ASIC2: variants seen among roughly 807,000 people sequenced by gnomAD.
ASIC2 encodes acid sensing ion channel subunit 2.
ASIC2 carries 25 observed loss-of-function variants against 57.3 expected under a neutral mutation model. The ratio of observed to expected loss-of-function variants is 0.44; its 90% CI spans 0.32 to 0.61. The LOEUF is 0.61. ASIC2 is among the 20% of genes least tolerant of loss of function. The probability of loss-of-function intolerance (pLI) is 0.06; values close to 1 mark genes in which losing one functional copy is unlikely to be tolerated. For synonymous variants in ASIC2, 319 were observed against 307.5 expected (o/e 1.04, Z -0.39); for missense variants, 641 against 738.1 (o/e 0.87, Z 1.52).
chr17:34,022,676 T>C (rs1011434543), intron 1 of ASIC2, among the ~76,000 whole-genome samples: 14 of 148,894 alleles, frequency 9.4e-5, no homozygotes, highest in African/African-American at 3.5e-4. Flanking sequence ...CAGTAGCCAA[T>C]AGAATATAAA....
intron 1 of ASIC2, chr17:34,001,645 T>C (rs1395540022): frequency 6.6e-6 from 1 of 152,322 alleles, no homozygotes; most frequent in Non-Finnish European, 1.5e-5. Context: ...AATGCCATGG[T>C]CCATGGCAAA....
At chr17:33,092,105 T>G (rs936306079) in intron 2 of ASIC2, among the ~76,000 whole-genome samples, 1 of 152,184 alleles carries the variant, frequency 6.6e-6, no homozygotes, top group Non-Finnish European at 1.5e-5. Flanking sequence ...TGCCCTTGTC[T>G]GGAGTCCTGG....
chr17:33,495,907 G>A (rs1913916516), intron 1 of ASIC2, among the ~76,000 whole-genome samples: 1 of 152,190 alleles, frequency 6.6e-6, no homozygotes, highest in Non-Finnish European at 1.5e-5. Context: ...AGGCAGATGG[G>A]AACATCCCAG....
intron 1 of ASIC2, among the ~76,000 whole-genome samples, chr17:33,741,574 G>A (rs1307167874): frequency 6.6e-6 from 1 of 152,202 alleles, no homozygotes; most frequent in Non-Finnish European, 1.5e-5. Context: ...GTGATGCTGG[G>A]GTGATGAAGA....
chr17:34,113,143 G>A (rs1382625587), intron 1 of ASIC2, among the ~76,000 whole-genome samples: 1 of 152,176 alleles, frequency 6.6e-6, no homozygotes, highest in Non-Finnish European at 1.5e-5. Flanking sequence ...TGACCCTTTG[G>A]CTGGAGTGAG....
intron 1 of ASIC2, among the ~76,000 whole-genome samples, chr17:33,516,401 A>AGTGTGTTTGTGAGTGTGAGT (rs537765098): frequency 1.4e-5 from 2 of 147,590 alleles, no homozygotes; most frequent in East Asian, 3.9e-4. Context: ...TGTGTTTGTG[A>AGTGTGTTTGTGAGTGTGAGT]GTGTGAGTGT....
intron 1 of ASIC2, among the ~76,000 whole-genome samples, chr17:33,299,293 A>G (rs1905851463): frequency 6.6e-6 from 1 of 152,232 alleles, no homozygotes; most frequent in Non-Finnish European, 1.5e-5. Context: ...AGTCAATGCT[A>G]CTGGTGGCAT....
intron 1 of ASIC2, among the ~76,000 whole-genome samples, chr17:33,569,979 C>A (rs75231209): frequency 6.6e-6 from 1 of 152,006 alleles, no homozygotes; most frequent in Non-Finnish European, 1.5e-5. Context: ...CCTTTTCTCC[C>A]GCCCTCTTTC....
intron 1 of ASIC2, among the ~76,000 whole-genome samples, chr17:33,843,177 A>C (rs1913489494): frequency 6.6e-6 from 1 of 152,172 alleles, no homozygotes; most frequent in African/African-American, 2.4e-5. Flanking sequence ...TTCCGCTGGA[A>C]TGTAAATCCC....
At chr17:34,143,929 C>T (rs1598046230) in intron 1 of ASIC2, among the ~76,000 whole-genome samples, 1 of 152,020 alleles carries the variant, frequency 6.6e-6, no homozygotes, top group East Asian at 1.9e-4. Flanking sequence ...TACCCAGTCT[C>T]GGGTATTCTG....
intron 1 of ASIC2, among the ~76,000 whole-genome samples, chr17:33,779,522 A>C (rs1400617697): frequency 6.6e-6 from 1 of 152,222 alleles, no homozygotes; most frequent in Non-Finnish European, 1.5e-5. Context: ...CCGTGTTCAG[A>C]ATGAATAACC....
chr17:34,003,303 A>G (rs1906408998), intron 1 of ASIC2: 1 of 152,222 alleles, frequency 6.6e-6, no homozygotes, highest in Non-Finnish European at 1.5e-5. Flanking sequence ...ATGATAAGAC[A>G]GATTTCACAG....
chr17:34,079,933 T>C (rs984363735), intron 1 of ASIC2, among the ~76,000 whole-genome samples: 3 of 151,982 alleles, frequency 2.0e-5, no homozygotes, highest in African/African-American at 7.3e-5. Flanking sequence ...CATCTTCCAC[T>C]TTACCGGAAT....
chr17:34,131,314 G>T (rs1193441580), intron 1 of ASIC2, among the ~76,000 whole-genome samples: 2 of 148,912 alleles, frequency 1.3e-5, no homozygotes, highest in Non-Finnish European at 3.0e-5. Flanking sequence ...AGAGAGAGAG[G>T]AGCTGGGGAG....
intron 1 of ASIC2, among the ~76,000 whole-genome samples, chr17:34,103,273 G>C (rs1431548877): frequency 2.6e-5 from 4 of 152,038 alleles, no homozygotes; most frequent in Non-Finnish European, 5.9e-5. Flanking sequence ...AGCCTCCCAA[G>C]TAGCTGGGAC....
intron 1 of ASIC2, chr17:33,932,716 A>AG (rs1249816106): frequency 6.4e-4 from 19 of 29,580 alleles, no homozygotes; most frequent in African/African-American, 1.1e-3. Flanking sequence ...TTTGTTTCAA[A>AG]AAAAAAAAAA....
chr17:33,871,432 C>T (rs1248126606), intron 1 of ASIC2, among the ~76,000 whole-genome samples: 2 of 152,218 alleles, frequency 1.3e-5, no homozygotes, highest in Non-Finnish European at 2.9e-5. Context: ...AACCCCACCT[C>T]CTTCTCCCTG....
intron 1 of ASIC2, among the ~76,000 whole-genome samples, chr17:33,567,132 A>G (rs1265463619): frequency 6.6e-6 from 1 of 152,114 alleles, no homozygotes; most frequent in Non-Finnish European, 1.5e-5. Context: ...TGGAGGAGGA[A>G]AGAGTGGCAG....
intron 1 of ASIC2, among the ~76,000 whole-genome samples, chr17:33,256,512 T>C (rs1014291387): frequency 6.6e-6 from 1 of 152,258 alleles, no homozygotes; most frequent in East Asian, 1.9e-4. Flanking sequence ...AATAGAGAAA[T>C]GAATTGGCAT....
Sources: allele counts gnomAD v4.1 joint callset (sites outside exome capture counted in the v4.1 genomes callset), GRCh38; gene constraint gnomAD v4.1.1; transcripts MANE v1.5; gene names NCBI Gene and HGNC (gene_info 2026-07-23, HGNC 2026-07-21).